Variants in PTPN2 observed in about 807,000 individuals in gnomAD.
PTPN2 encodes the protein protein tyrosine phosphatase non-receptor type 2, also known as tyrosine-protein phosphatase non-receptor type 2.
Under a neutral mutation model 57.3 loss-of-function variants are expected in PTPN2, and 19 were observed. That is an observed-to-expected ratio of 0.33 (90% confidence interval 0.23 to 0.49). The LOEUF (loss-of-function observed/expected upper bound fraction) is 0.49, where lower values mean the gene tolerates loss of function less well. PTPN2 is among the 20% of genes least tolerant of loss of function. The pLI is 0.99. For missense variants in PTPN2, 358 were observed against 501.1 expected, an observed-to-expected ratio of 0.71 and a Z score of 2.73; for synonymous variants, 153 against 164.9, an observed-to-expected ratio of 0.93 and a Z score of 0.55.
chr18:12,869,400 A>G (rs2044108177), intron 1 of PTPN2, among the ~76,000 whole-genome samples: 1 of 152,194 alleles, frequency 6.6e-6, no homozygotes, highest in Non-Finnish European at 1.5e-5. Flanking sequence ...GTCTCAAGCA[A>G]TCTGCCTGCC....
rs1397934426 is a variant in PTPN2 at position 12,807,575 on chromosome 18, A to G, written c.859-5424T>C. On this transcript the variant is annotated intron_variant, in intron 7 of 8. Transcript: ENST00000309660. ...AGGGAGAAAGAAAATGTGGAAAAAA[A>G]AAAAAAAAAAAATATATATATATAT... Among the ~76,000 whole-genome samples, 11 of 63,266 alleles carry G rather than the reference A, an allele frequency of 1.7e-4. 1 individual carries two copies. Among genetic ancestry groups the G allele is most frequent in the African/African-American group, 4.0e-4 (10 of 25,184 alleles). 41.5% of individuals were successfully genotyped at this position (63,266 alleles called of 152,430 possible). A position where few individuals can be genotyped will look rare whatever the true frequency, so the allele number is the denominator to read the frequency against.
chr18:12,860,893 T>C (rs1429610437), intron 1 of PTPN2, among the ~76,000 whole-genome samples: 2 of 152,066 alleles, frequency 1.3e-5, no homozygotes, highest in Non-Finnish European at 2.9e-5. Flanking sequence ...TTCAAGTAAA[T>C]ACAGAAATGT....
chr18:12,816,594 T>C (rs1282932131), intron 6 of PTPN2, among the ~76,000 whole-genome samples: 7 of 152,148 alleles, frequency 4.6e-5, no homozygotes, highest in Non-Finnish European at 1.0e-4. Context: ...ATCTAGGCTG[T>C]ATACAGGCTG....
rs1243048304 is a variant in PTPN2 at position 12,836,910 on chromosome 18, A to T, written c.161-19T>A. 7.0e-7 allele frequency: 1 copy of T among 1,430,788 alleles called. No homozygotes were observed. The highest frequency in any genetic ancestry group is 1.2e-5 in the South Asian group (1 of 85,786). 88.6% of individuals were successfully genotyped at this position (1,430,788 alleles called of 1,614,324 possible). ...TGATCATCTGAAAATAGAGAATGAT[A>T]AACCACAACTGTCATTTCAAAATTA... On this transcript the variant is annotated intron_variant, in intron 2 of 8. Transcript: ENST00000309660.
At chr18:12,836,768 T>C (rs2042879987) in intron 3 of PTPN2, 23 bp downstream of exon 3, 2 of 1,410,786 alleles carry the variant, frequency 1.4e-6, no homozygotes, top group African/African-American at 2.8e-5. Flanking sequence ...TTTCAGACAT[T>C]TGCGTGGTAT....
chr18:12,874,535 G>GA (rs1209618669), intron 1 of PTPN2, among the ~76,000 whole-genome samples: 2 of 113,668 alleles, frequency 1.8e-5, no homozygotes, highest in African/African-American at 7.0e-5. Flanking sequence ...GAGGAAGGTG[G>GA]GGGGGGGTCA....
chr18:12,838,531 G>A (rs772738239), intron 2 of PTPN2, among the ~76,000 whole-genome samples: 7 of 152,308 alleles, frequency 4.6e-5, no homozygotes, highest in Middle Eastern at 3.4e-3. Context: ...CCACACACCA[G>A]AAAAGCCCAG....
chr18:12,872,978 T>G (rs2044320000), intron 1 of PTPN2, among the ~76,000 whole-genome samples: 2 of 152,166 alleles, frequency 1.3e-5, no homozygotes, highest in African/African-American at 2.4e-5. Context: ...CCCAGCAATT[T>G]GGGAGGCCAA....
intron 1 of PTPN2, among the ~76,000 whole-genome samples, chr18:12,874,613 C>T (rs1194244642): frequency 1.5e-5 from 2 of 137,622 alleles, no homozygotes; most frequent in African/African-American, 2.8e-5. Context: ...CCCGGCCAGC[C>T]GCCCCGTCCG....
chr18:12,873,868 G>T (rs1427606220), intron 1 of PTPN2, among the ~76,000 whole-genome samples: 1 of 150,686 alleles, frequency 6.6e-6, no homozygotes, highest in Non-Finnish European at 1.5e-5. Flanking sequence ...GCTGCCCATC[G>T]TCTGAGATGT....
At chr18:12,835,396 T>TTTTTTTTTTTTTTTTTTTTTTTTTTTG (rs2042825161) in intron 3 of PTPN2, among the ~76,000 whole-genome samples, 1 of 148,240 alleles carries the variant, frequency 6.7e-6, no homozygotes, top group South Asian at 2.2e-4. Flanking sequence ...TTTTTTTTTT[T>TTTTTTTTTTTTTTTTTTTTTTTTTTTG]GGACAGTTTT....
At chr18:12,842,747 T>C (rs2043085475) in intron 2 of PTPN2, among the ~76,000 whole-genome samples, 1 of 152,214 alleles carries the variant, frequency 6.6e-6, no homozygotes, top group African/African-American at 2.4e-5. Context: ...TAAATTTGAC[T>C]GTCAGGGAAA....
intron 1 of PTPN2, among the ~76,000 whole-genome samples, chr18:12,875,070 A>G (rs4249378): frequency 0.035 from 5,375 of 152,122 alleles, 318 homozygotes; most frequent in African/African-American, 0.12. Context: ...GATTAAGGGC[A>G]GTGCAAGATG....
rs68088093 is a variant in PTPN2 at position 12,807,568 on chromosome 18, G to GAAAAAAAAAA, written c.859-5427_859-5418dup. On this transcript the variant is annotated intron_variant, in intron 7 of 8. Coordinates refer to ENST00000309660, the MANE Select transcript of PTPN2 (RefSeq NM_002828.4). Reference sequence around the variant, plus strand: ...TGAATGGAGGGAGAAAGAAAATGTGGAAAAAAAAAAAAAAAAAAATATATA... The same window carrying GAAAAAAAAAA: ...TGAATGGAGGGAGAAAGAAAATGTGGAAAAAAAAAAAAAAAAAAAAAAAAAAAAATATATA... Among the ~76,000 whole-genome samples the GAAAAAAAAAA allele has an allele frequency of 3.2e-4, 13 of 41,190 alleles. 1 individual carries two copies. Among genetic ancestry groups the GAAAAAAAAAA allele is most frequent in the East Asian group, 1.2e-3 (1 of 864 alleles). 27.0% of individuals were successfully genotyped at this position (41,190 alleles called of 152,430 possible). A position where few individuals can be genotyped will look rare whatever the true frequency, so the allele number is the denominator to read the frequency against.
At chr18:12,795,591 G>A (rs542181957) in intron 8 of PTPN2, among the ~76,000 whole-genome samples, 3 of 152,224 alleles carry the variant, frequency 2.0e-5, no homozygotes, top group South Asian at 2.1e-4. Context: ...CACTGTGTCC[G>A]GTCTCAGAAA....
chr18:12,819,185 G>T, intron 5 of PTPN2: 1 of 1,078,686 alleles, frequency 9.3e-7, no homozygotes, highest in Non-Finnish European at 1.3e-6. Context: ...ATAAAATACA[G>T]TGAAATAAAT....
chr18:12,797,057 C>T (rs2041217227), intron 8 of PTPN2, among the ~76,000 whole-genome samples: 1 of 152,000 alleles, frequency 6.6e-6, no homozygotes. Context: ...TAATGACTTG[C>T]AAAAATTCTT....
At chr18:12,837,877 C>G (rs112581754) in intron 2 of PTPN2, among the ~76,000 whole-genome samples, 51 of 152,230 alleles carry the variant, frequency 3.4e-4, no homozygotes, top group African/African-American at 1.2e-3. Context: ...CTGGACTGAA[C>G]CCAAGACCTC....
At chr18:12,812,375 C>T (rs529485229) in intron 7 of PTPN2, among the ~76,000 whole-genome samples, 5 of 152,142 alleles carry the variant, frequency 3.3e-5, no homozygotes, top group East Asian at 3.9e-4. Flanking sequence ...CCGAGGTGGG[C>T]GATCACTTGA....
Sources: gnomAD v4.1 joint callset for allele counts (sites outside exome capture counted in the v4.1 genomes callset) on GRCh38, gnomAD v4.1.1 for gene constraint, MANE v1.5 for transcripts, NCBI Gene and HGNC (gene_info 2026-07-23, HGNC 2026-07-21) for gene names.